The following RASSF6 variants were observed in gnomAD, a reference collection of about 807,000 sequenced individuals.
RASSF6 encodes the protein ras association domain-containing protein 6.
RASSF6 carries 52 observed loss-of-function variants against 44.0 expected under a neutral mutation model. The observed-to-expected ratio is 1.18, with a 90% CI of 0.95 to 1.49. The LOEUF (loss-of-function observed/expected upper bound fraction) is 1.49, where lower values mean the gene tolerates loss of function less well. Among genes scored for constraint, RASSF6 ranks in the 40% most tolerant of loss-of-function variants. The pLI is 0.00. For missense variants in RASSF6, 464 were observed against 393.3 expected (o/e 1.18, Z -1.52); for synonymous variants, 162 against 124.6 (o/e 1.30, Z -2.00).
chr4:73,607,637 T>C (rs1725729000), intron 2 of RASSF6, among the ~76,000 whole-genome samples: 1 of 152,200 alleles, frequency 6.6e-6, no homozygotes, highest in South Asian at 2.1e-4. Flanking sequence ...GCAGCATCTG[T>C]ACCACCTGGG....
At chr4:73,612,938 A>G (rs1726123620) in intron 1 of RASSF6, among the ~76,000 whole-genome samples, 1 of 152,006 alleles carries the variant, frequency 6.6e-6, no homozygotes, top group Admixed American at 6.6e-5. Flanking sequence ...TTGTAATCTA[A>G]TGAAATTTCA....
At chr4:73,593,739 A>G (rs1248316549) in intron 3 of RASSF6, 146 bp from the exon 4 acceptor site, 2 of 771,702 alleles carry the variant, frequency 2.6e-6, no homozygotes, top group Admixed American at 5.7e-5. Flanking sequence ...TTTCCAATTT[A>G]TCTACAAAGC....
intron 1 of RASSF6, among the ~76,000 whole-genome samples, chr4:73,613,747 C>A (rs1476405635): frequency 6.6e-6 from 1 of 152,154 alleles, no homozygotes; most frequent in African/African-American, 2.4e-5. Context: ...TTGAGACAAA[C>A]CATGAATAAC....
At chr4:73,578,661 T>G (rs1578015759) in intron 8 of RASSF6, among the ~76,000 whole-genome samples, 1 of 148,130 alleles carries the variant, frequency 6.8e-6, no homozygotes. Flanking sequence ...TTAGACGGAG[T>G]GCAATGGCAC....
intron 6 of RASSF6, among the ~76,000 whole-genome samples, chr4:73,584,212 C>T (rs946244290): frequency 1.3e-5 from 2 of 151,984 alleles, no homozygotes; most frequent in Non-Finnish European, 2.9e-5. Flanking sequence ...TATCGTTACC[C>T]CCCAAGGGTA....
intron 2 of RASSF6, 45 bp from the exon 3 acceptor site, chr4:73,598,763 A>C (rs751549202): frequency 1.2e-6 from 1 of 854,574 alleles, no homozygotes; most frequent in South Asian, 1.7e-5. Context: ...TAGAGTTTTT[A>C]ACGTAAAAGG....
intron 3 of RASSF6, among the ~76,000 whole-genome samples, chr4:73,594,484 T>C (rs888613057): frequency 2.0e-5 from 3 of 152,228 alleles, no homozygotes; most frequent in East Asian, 1.9e-4. Context: ...CACTTCCTAG[T>C]TGTGGCCTTG....
chr4:73,614,760 A>G (rs919302296), intron 1 of RASSF6, among the ~76,000 whole-genome samples: 6 of 152,224 alleles, frequency 3.9e-5, no homozygotes, highest in Non-Finnish European at 8.8e-5. Flanking sequence ...ACTTCAGAAG[A>G]TGTGATGAAA....
chr4:73,604,994 A>G (rs1036680802), intron 2 of RASSF6, among the ~76,000 whole-genome samples: 2 of 149,344 alleles, frequency 1.3e-5, no homozygotes, highest in African/African-American at 5.0e-5. Flanking sequence ...GGTTCAAGTG[A>G]TTCTCTTGCC....
intron 5 of RASSF6, among the ~76,000 whole-genome samples, 180 bp from the exon 6 acceptor site, chr4:73,585,544 G>A (rs1724022278): frequency 6.6e-6 from 1 of 152,054 alleles, no homozygotes; most frequent in Admixed American, 6.6e-5. Flanking sequence ...GACTGACTCA[G>A]CAAATTCTGC....
upstream of RASSF6, chr4:73,620,507 G>T: frequency 6.5e-7 from 1 of 1,534,154 alleles, no homozygotes. Context: ...GCATGGCTCA[G>T]CTGGGCGCTT....
intron 3 of RASSF6, 95 bp from the exon 4 acceptor site, chr4:73,593,688 C>T: frequency 8.5e-7 from 1 of 1,182,568 alleles, no homozygotes; most frequent in Non-Finnish European, 1.2e-6. Flanking sequence ...GCGTAAGAAA[C>T]CTAAATAGAT....
chr4:73,579,011 A>G (rs1293613590), intron 8 of RASSF6, among the ~76,000 whole-genome samples: 1 of 152,124 alleles, frequency 6.6e-6, no homozygotes, highest in Non-Finnish European at 1.5e-5. Flanking sequence ...CTCCCTAGTC[A>G]TAAGACCATA....
rs575101992 is a variant in RASSF6 at position 73,573,108 on chromosome 4, T to C, written c.*3127A>G. 8.5e-5 allele frequency: 13 copies of C among 152,144 alleles called. No homozygotes were observed. The highest frequency in any genetic ancestry group is 2.9e-4 in the African/African-American group (12 of 41,538). The allele number at this position is 152,144 out of a possible 1,614,324, so 9.4% of individuals were successfully genotyped here. On this transcript the variant is annotated 3_prime_UTR_variant, in exon 11 of 11. Coordinates refer to ENST00000307439, the MANE Select transcript of RASSF6 (RefSeq NM_177532.5). Reference sequence around the variant, plus strand: ...GAATTTTAATGGCTACATAACAATATACAAATAAATGTTTATTTCCCTCTT... The same window carrying C: ...GAATTTTAATGGCTACATAACAATACACAAATAAATGTTTATTTCCCTCTT...
chr4:73,572,863 C>T lies in RASSF6; in HGVS notation c.*3372G>A, dbSNP rs1218185191. Reference sequence around the variant, plus strand: ...AAAACATGAATCACTCATAATTCTACAATGCAGATATAGCCATTTTTAACA... The same window carrying T: ...AAAACATGAATCACTCATAATTCTATAATGCAGATATAGCCATTTTTAACA... On this transcript the variant is annotated 3_prime_UTR_variant, in exon 11 of 11. Coordinates refer to ENST00000307439, the MANE Select transcript of RASSF6 (RefSeq NM_177532.5). 6.6e-6 allele frequency: 1 copy of T among 152,072 alleles called. No individual in the cohort carries two copies. The highest frequency in any genetic ancestry group is 6.5e-5 in the Admixed American group (1 of 15,272). The allele number at this position is 152,072 out of a possible 1,614,324, so 9.4% of individuals were successfully genotyped here.
rs568399323 is a variant in RASSF6 at position 73,587,854 on chromosome 4, C to CT, written c.367dup (p.Arg123LysfsTer22). On this transcript the variant is annotated frameshift_variant, in exon 5 of 11. Transcript: ENST00000307439. LOFTEE classifies it high-confidence loss of function. ...TTGATACTGACCTTCCTGGGAATTC[C>CT]TTTTTTCAGACATAGGAATCTGGGT... The CT allele has an allele frequency of 4.5e-4, 722 of 1,606,824 alleles. 9 individuals are homozygous for CT. The East Asian group carries it at 0.015, about 34-fold the overall frequency.
Position 73,572,380 on chromosome 4 carries a change from T to C in RASSF6, c.*3855A>G, listed in dbSNP as rs1264756495. The C allele has an allele frequency of 1.3e-5, 2 of 152,140 alleles. No homozygotes were observed. Among genetic ancestry groups the C allele is most frequent in the Admixed American group, 6.5e-5 (1 of 15,268 alleles). The allele number at this position is 152,140 out of a possible 1,614,324, so 9.4% of individuals were successfully genotyped here. A position where few individuals can be genotyped will look rare whatever the true frequency, so the allele number is the denominator to read the frequency against. Reference sequence around the variant, plus strand: ...TCCTGTATTAAAAGTAAGTCCCTAATTGCTAAAAGAGTACATTTTTAAATG... The same window carrying C: ...TCCTGTATTAAAAGTAAGTCCCTAACTGCTAAAAGAGTACATTTTTAAATG... On this transcript the variant is annotated 3_prime_UTR_variant, in exon 11 of 11. Transcript: ENST00000307439.
In RASSF6 at chr4:73,588,220, A is replaced by G. The variant is rs1724258320; in HGVS notation, c.288-286T>C. Reference sequence around the variant, plus strand: ...TATAGATTCTGTAAAACATATGTCCAAATTGAATTAGTAGAAACCAAGATG... The same window carrying G: ...TATAGATTCTGTAAAACATATGTCCGAATTGAATTAGTAGAAACCAAGATG... On this transcript the variant is annotated intron_variant, in intron 4 of 10. Transcript: ENST00000307439. Among the ~76,000 whole-genome samples, 4 of 152,126 alleles carry G rather than the reference A, an allele frequency of 2.6e-5. No individual in the cohort carries two copies. In the South Asian group the frequency reaches 8.3e-4, roughly 31 times the overall value.
rs181813279 is a variant in RASSF6 at position 73,571,991 on chromosome 4, G to A, written c.*4244C>T. ...AACAAATTGCCCCAAATTTAGCGGC[G>A]TACTACAACAAACACTTCTTATCTC... On this transcript the variant is annotated 3_prime_UTR_variant, in exon 11 of 11. Coordinates refer to ENST00000307439, the MANE Select transcript of RASSF6 (RefSeq NM_177532.5). 2.1e-4 allele frequency: 32 copies of A among 152,178 alleles called. No individual in the cohort carries two copies. Among genetic ancestry groups the A allele is most frequent in the Middle Eastern group, 3.4e-3 (1 of 292 alleles). The allele number at this position is 152,178 out of a possible 1,614,324, so 9.4% of individuals were successfully genotyped here.
Sources: gnomAD v4.1 joint callset for allele counts (sites outside exome capture counted in the v4.1 genomes callset) on GRCh38, gnomAD v4.1.1 for gene constraint, MANE v1.5 for transcripts, NCBI Gene and HGNC (gene_info 2026-07-23, HGNC 2026-07-21) for gene names.